The following FNBP1L variants were observed in gnomAD, a reference collection of about 807,000 sequenced individuals.
FNBP1L encodes the protein formin-binding protein 1-like.
Under a neutral mutation model 91.2 loss-of-function variants are expected in FNBP1L, and 36 were observed. That is an observed-to-expected ratio of 0.39 (90% confidence interval 0.30 to 0.52). The LOEUF (loss-of-function observed/expected upper bound fraction) is 0.52, where lower values mean the gene tolerates loss of function less well. Among genes scored for constraint, FNBP1L ranks in the 20% least tolerant of loss-of-function variants. The pLI, the probability that FNBP1L is intolerant of heterozygous loss-of-function variation, is 0.66. For missense variants in FNBP1L, 571 were observed against 732.1 expected (o/e 0.78, Z 2.54); for synonymous variants, 242 against 237.0 (o/e 1.02, Z -0.19).
At chr1:93,461,964 C>T (rs1250803771) in intron 1 of FNBP1L, among the ~76,000 whole-genome samples, 1 of 152,164 alleles carries the variant, frequency 6.6e-6, no homozygotes, top group East Asian at 1.9e-4. Context: ...ACTCTATGGA[C>T]CACTTCTTAC....
intron 1 of FNBP1L, among the ~76,000 whole-genome samples, chr1:93,474,168 G>C (rs772444099): frequency 1.3e-5 from 2 of 152,090 alleles, no homozygotes; most frequent in South Asian, 2.1e-4. Flanking sequence ...TGCTTGAACC[G>C]GAAGGCGGAG....
intron 13 of FNBP1L, 47 bp downstream of exon 13, chr1:93,547,021 C>T (rs1570876525): frequency 6.5e-7 from 1 of 1,546,546 alleles, no homozygotes; most frequent in Non-Finnish European, 8.7e-7. Flanking sequence ...TTTTTATAAA[C>T]TTCATTATGA....
intron 1 of FNBP1L, among the ~76,000 whole-genome samples, chr1:93,484,521 G>A (rs1203778705): frequency 6.6e-6 from 1 of 152,148 alleles, no homozygotes. Flanking sequence ...GACTAGTTCT[G>A]TTCTTGAATC....
rs1238989534 is a variant in FNBP1L, at chr1:93,546,929, C to G, written c.1362C>G (p.Thr454=). 1 of 1,612,598 alleles carries G rather than the reference C, an allele frequency of 6.2e-7. No individual in the cohort carries two copies. Residue 454 remains threonine, a synonymous_variant, in exon 13 of 17, where the codon ACC becomes ACG. Coordinates refer to ENST00000271234, the MANE Select transcript of FNBP1L (RefSeq NM_001164473.3). ...PGSLQPKLAE[T]MNNIDRLRME... Reference sequence around the variant, plus strand: ...GTTTGCAGCCTAAATTAGCAGAGACCATGAATAACATTGACCGCCTACGAA... The same window carrying G: ...GTTTGCAGCCTAAATTAGCAGAGACGATGAATAACATTGACCGCCTACGAA...
At chr1:93,467,289 A>G (rs1262941412) in intron 1 of FNBP1L, among the ~76,000 whole-genome samples, 1 of 152,256 alleles carries the variant, frequency 6.6e-6, no homozygotes, top group Non-Finnish European at 1.5e-5. Context: ...ATACACATAC[A>G]GTGAATATTA....
intron 1 of FNBP1L, among the ~76,000 whole-genome samples, chr1:93,455,311 A>T (rs978783901): frequency 1.2e-4 from 19 of 152,066 alleles, no homozygotes; most frequent in African/African-American, 4.6e-4. Context: ...TCCTGCGTCA[A>T]CCTCTCAAGT....
chr1:93,491,412 C>T (rs928947399), intron 1 of FNBP1L, among the ~76,000 whole-genome samples: 2 of 148,428 alleles, frequency 1.3e-5, no homozygotes, highest in African/African-American at 5.0e-5. Context: ...CCCAAAGAGA[C>T]AGGGTCTTGC....
Position 93,533,058 on chromosome 1 carries a change from A to C in FNBP1L, c.776A>C (p.Asp259Ala), listed in dbSNP as rs760367327. Residue 259 changes from aspartate to alanine, a missense_variant, in exon 8 of 17, where the codon GAT becomes GCT. Physicochemically the swap from Asp to Ala is moderately radical, Grantham distance 126 (BLOSUM62 -2). This residue lies in a region of FNBP1L where 220 missense variants were observed against 313.6 expected (regional missense o/e 0.70). Coordinates refer to ENST00000271234, the MANE Select transcript of FNBP1L (RefSeq NM_001164473.3). Reference protein sequence around the residue: ...EGMILAAKSVDERRDSQMVVD... With the variant: ...EGMILAAKSVAERRDSQMVVD... ...ATGATTCTTGCAGCAAAATCAGTTGATGAAAGAAGAGTAAGTGCTAAATAA... is the reference window on the plus strand; with the variant it reads ...ATGATTCTTGCAGCAAAATCAGTTGCTGAAAGAAGAGTAAGTGCTAAATAA... 2.5e-6 allele frequency: 4 copies of C among 1,607,122 alleles called. No homozygotes were observed. Among genetic ancestry groups the C allele is most frequent in the Non-Finnish European group, 3.4e-6 (4 of 1,176,934 alleles).
intron 1 of FNBP1L, among the ~76,000 whole-genome samples, chr1:93,454,860 C>T (rs6541380): frequency 0.019 from 2,849 of 152,038 alleles, 36 homozygotes; most frequent in Non-Finnish European, 0.024. Flanking sequence ...ATATATGGGA[C>T]GATGTGTGTA....
At chr1:93,459,979 T>TGTGTGTGTGTGTGTG (rs1557774013) in intron 1 of FNBP1L, among the ~76,000 whole-genome samples, 28 of 47,236 alleles carry the variant, frequency 5.9e-4, no homozygotes, top group Middle Eastern at 0.012. Context: ...GTGTGTGTGT[T>TGTGTGTGTGTGTGTG]TTTGGGATAT....
In FNBP1L at chr1:93,533,050, A is replaced by G; in HGVS notation, c.768A>G (p.Lys256=). 1 of 1,611,942 alleles carries G rather than the reference A, an allele frequency of 6.2e-7. No homozygotes were observed. Among genetic ancestry groups the G allele is most frequent in the Non-Finnish European group, 8.5e-7 (1 of 1,179,116 alleles). The change falls in exon 8 of 17, where the codon AAA becomes AAG. Residue 256 remains lysine, a synonymous_variant. Coordinates refer to ENST00000271234, the MANE Select transcript of FNBP1L (RefSeq NM_001164473.3). The part of the protein sequence containing the change: ...KCLEGMILAA[K]SVDERRDSQM... ...TGGAAGGAATGATTCTTGCAGCAAAATCAGTTGATGAAAGAAGAGTAAGTG... is the reference window on the plus strand; with the variant it reads ...TGGAAGGAATGATTCTTGCAGCAAAGTCAGTTGATGAAAGAAGAGTAAGTG...
intron 14 of FNBP1L, 146 bp downstream of exon 14, chr1:93,547,587 T>A: frequency 1.5e-6 from 1 of 656,094 alleles, no homozygotes. Context: ...AGTAATTTTC[T>A]TTAGTGATAA....
chr1:93,465,958 T>C (rs1200247098), intron 1 of FNBP1L, among the ~76,000 whole-genome samples: 1 of 152,248 alleles, frequency 6.6e-6, no homozygotes, highest in African/African-American at 2.4e-5. Flanking sequence ...TGACCAGTGA[T>C]GATGAGCATT....
chr1:93,549,821 T>TA, intron 15 of FNBP1L, among the ~76,000 whole-genome samples: 1 of 152,318 alleles, frequency 6.6e-6, no homozygotes, highest in African/African-American at 2.4e-5. Flanking sequence ...TTACTAACAT[T>TA]AAGAGACAGG....
chr1:93,536,232 A>T (rs985888495), intron 9 of FNBP1L, 100 bp from the exon 10 acceptor site: 3 of 774,534 alleles, frequency 3.9e-6, no homozygotes, highest in Non-Finnish European at 5.5e-6. Context: ...TTTATTTGAG[A>T]TATATTTTGT....
At chr1:93,552,039 C>T in intron 16 of FNBP1L, 4 of 1,024,702 alleles carry the variant, frequency 3.9e-6, no homozygotes, top group Non-Finnish European at 4.7e-6. Context: ...TTTTGACTAT[C>T]TGGGTTAGAG....
intron 1 of FNBP1L, among the ~76,000 whole-genome samples, chr1:93,480,258 A>T (rs1437125604): frequency 1.3e-5 from 2 of 152,184 alleles, no homozygotes; most frequent in African/African-American, 4.8e-5. Context: ...GTAAACCTCT[A>T]GTGGCCACTT....
intron 2 of FNBP1L, among the ~76,000 whole-genome samples, chr1:93,504,452 A>G (rs1328892976): frequency 6.6e-6 from 1 of 152,204 alleles, no homozygotes; most frequent in Non-Finnish European, 1.5e-5. Context: ...TATAATTCCA[A>G]TTAAACCTCT....
rs1263998406 is a variant in FNBP1L at position 93,552,704 on chromosome 1, G to T, written c.*288G>T. On this transcript the variant is annotated 3_prime_UTR_variant, in exon 17 of 17. Coordinates refer to ENST00000271234, the MANE Select transcript of FNBP1L (RefSeq NM_001164473.3). ...ATTTTATTGCTGTCTAATCAATAAAGAATGCAGAGCTGTCAAAAAATGTGT... is the reference window on the plus strand; with the variant it reads ...ATTTTATTGCTGTCTAATCAATAAATAATGCAGAGCTGTCAAAAAATGTGT... The T allele has an allele frequency of 6.1e-6, 2 of 326,306 alleles. No individual in the cohort carries two copies. Among genetic ancestry groups the T allele is most frequent in the Non-Finnish European group, 5.5e-6 (1 of 181,300 alleles). 20.2% of individuals were successfully genotyped at this position (326,306 alleles called of 1,614,324 possible).
Sources: allele counts gnomAD v4.1 joint callset (sites outside exome capture counted in the v4.1 genomes callset), GRCh38; gene constraint gnomAD v4.1.1; regional missense constraint gnomAD v4.1.1; transcripts MANE v1.5; gene names NCBI Gene and HGNC (gene_info 2026-07-23, HGNC 2026-07-21).